The following SYNE1 variants were observed in gnomAD, a reference collection of about 807,000 sequenced individuals.
SYNE1 encodes nesprin-1.
A neutral mutation model predicts 1,111.0 loss-of-function variants in SYNE1; 616 were observed. The ratio of observed to expected loss-of-function variants is 0.55; its 90% CI spans 0.52 to 0.59. The LOEUF (loss-of-function observed/expected upper bound fraction) is 0.59. Ranked by LOEUF, SYNE1 falls within the 20% of genes least tolerant of loss-of-function variation. The pLI is 0.00. For synonymous variants in SYNE1, 3,855 were observed against 3,825.8 expected, an observed-to-expected ratio of 1.01 and a Z score of -0.28; for missense variants, 10,006 against 10,417.0, an observed-to-expected ratio of 0.96 and a Z score of 1.72.
intron 3 of SYNE1, among the ~76,000 whole-genome samples, chr6:152,606,972 G>C (rs1236967732): frequency 1.5e-5 from 2 of 132,548 alleles, no homozygotes; most frequent in Non-Finnish European, 3.1e-5. Context: ...GGCATGCCTC[G>C]GTTCTCTTTT....
intron 95 of SYNE1, among the ~76,000 whole-genome samples, chr6:152,286,695 A>G (rs527624180): frequency 6.6e-6 from 1 of 152,324 alleles, no homozygotes; most frequent in African/African-American, 2.4e-5. Flanking sequence ...TATTCTGGAT[A>G]GGAGTGCCTG....
At chr6:152,178,347 C>T (rs892681476) in intron 129 of SYNE1, among the ~76,000 whole-genome samples, 4 of 152,188 alleles carry the variant, frequency 2.6e-5, no homozygotes, top group African/African-American at 9.7e-5. Flanking sequence ...ACAGCATTCT[C>T]TGACACCCAG....
intron 9 of SYNE1, among the ~76,000 whole-genome samples, chr6:152,503,430 A>G (rs1379427717): frequency 6.6e-6 from 1 of 152,222 alleles, no homozygotes; most frequent in African/African-American, 2.4e-5. Flanking sequence ...ATCTAATACA[A>G]ATGGTAAAAA....
At chr6:152,172,069 A>T (rs568957454) in intron 130 of SYNE1, among the ~76,000 whole-genome samples, 1 of 152,316 alleles carries the variant, frequency 6.6e-6, no homozygotes, top group South Asian at 2.1e-4. Context: ...AACCAGTCAC[A>T]AAAGGCCACA....
chr6:152,309,646 T>C (rs577947570), intron 90 of SYNE1, among the ~76,000 whole-genome samples, 189 bp downstream of exon 90: 1 of 152,342 alleles, frequency 6.6e-6, no homozygotes, highest in Admixed American at 6.5e-5. Flanking sequence ...ATTTTTTATA[T>C]AGCATTCCCC....
chr6:152,557,408 T>C (rs2099370432), intron 3 of SYNE1, among the ~76,000 whole-genome samples: 1 of 152,020 alleles, frequency 6.6e-6, no homozygotes, highest in Non-Finnish European at 1.5e-5. Flanking sequence ...TTAAAAAAAA[T>C]AATGTTAGAA....
intron 1 of SYNE1, 75 bp from the exon 2 acceptor site, chr6:152,636,880 G>A (rs914032234): frequency 1.2e-4 from 19 of 152,416 alleles, no homozygotes; most frequent in African/African-American, 4.6e-4. Flanking sequence ...CACCCTGGCT[G>A]GCTCGCCCAC....
chr6:152,171,103 A>G (rs1563199551), intron 130 of SYNE1, among the ~76,000 whole-genome samples: 2 of 152,200 alleles, frequency 1.3e-5, no homozygotes, highest in South Asian at 4.1e-4. Context: ...GTTTTTCTTT[A>G]TAAATCACCC....
chr6:152,132,003 G>C, intron 144 of SYNE1, 119 bp downstream of exon 144: 1 of 862,636 alleles, frequency 1.2e-6, no homozygotes, highest in Non-Finnish European at 1.9e-6. Flanking sequence ...GCGCTACCCT[G>C]TGTGACAGCC....
rs984919316 is a variant in SYNE1 at position 152,363,443 on chromosome 6, G to A, written c.10146-1120C>T. 4.0e-5 allele frequency among the ~76,000 whole-genome samples: 6 copies of A among 150,826 alleles called. 1 individual carries two copies. Among genetic ancestry groups the A allele is most frequent in the East Asian group, 4.0e-4 (2 of 4,992 alleles). ...CGGGAGGCGGAGCTCGCAGTGAGCC[G>A]AGATCGTGCCACTGCACTGGAGCCT... On this transcript the variant is annotated intron_variant, in intron 63 of 145. Coordinates refer to ENST00000367255, the MANE Select transcript of SYNE1 (RefSeq NM_182961.4).
intron 101 of SYNE1, among the ~76,000 whole-genome samples, chr6:152,260,636 T>C (rs2091843728): frequency 6.6e-6 from 1 of 151,282 alleles, no homozygotes; most frequent in Non-Finnish European, 1.5e-5. Flanking sequence ...TATCCACAGA[T>C]GACAGGACAC....
chr6:152,586,902 A>G (rs1235340047), intron 3 of SYNE1, among the ~76,000 whole-genome samples: 1 of 152,142 alleles, frequency 6.6e-6, no homozygotes, highest in Non-Finnish European at 1.5e-5. Context: ...AGGTCACAGA[A>G]AATAATTGCA....
intron 6 of SYNE1, 91 bp from the exon 7 acceptor site, chr6:152,511,194 TA>T: frequency 8.8e-7 from 1 of 1,133,736 alleles, no homozygotes; most frequent in East Asian, 2.4e-5. Flanking sequence ...TAGACATCAA[TA>T]AGATTTGATC....
intron 5 of SYNE1, among the ~76,000 whole-genome samples, chr6:152,522,793 T>G (rs2099146236): frequency 6.6e-6 from 1 of 152,184 alleles, no homozygotes; most frequent in Non-Finnish European, 1.5e-5. Flanking sequence ...AATTTGCATT[T>G]CCCTGATGAC....
At chr6:152,539,005 T>G (rs1459209119) in intron 4 of SYNE1, among the ~76,000 whole-genome samples, 2 of 152,176 alleles carry the variant, frequency 1.3e-5, no homozygotes, top group Admixed American at 6.5e-5. Context: ...TAAAATCAAC[T>G]GTCATGCTTT....
chr6:152,375,859 G>C (rs550825196), intron 58 of SYNE1, among the ~76,000 whole-genome samples: 1 of 152,192 alleles, frequency 6.6e-6, no homozygotes, highest in Non-Finnish European at 1.5e-5. Flanking sequence ...TTATATAAAT[G>C]AACTGGTTCC....
chr6:152,334,086 G>A lies in SYNE1; in HGVS notation c.12716C>T (p.Thr4239Ile), dbSNP rs2096318270. The A allele has an allele frequency of 6.2e-7, 1 of 1,614,142 alleles. No individual in the cohort carries two copies. The highest frequency in any genetic ancestry group is 8.5e-7 in the Non-Finnish European group (1 of 1,180,022). Residue 4239 changes from threonine to isoleucine, a missense_variant, in exon 77 of 146, where the codon ACA (threonine) becomes ATA (isoleucine). This residue lies in a region of SYNE1 where 4,955 missense variants were observed against 5,017.2 expected (regional missense o/e 0.99). Coordinates refer to ENST00000367255, the MANE Select transcript of SYNE1 (RefSeq NM_182961.4). ...CLQREEDLQRTRDYHDCMNVV... is the reference protein window; with the variant it reads ...CLQREEDLQRIRDYHDCMNVV... ...ATTCATACAGTCATGGTAATCTCTTGTTCTCTGAAGATCCTCTTCCCTTTG... is the reference window on the plus strand; with the variant it reads ...ATTCATACAGTCATGGTAATCTCTTATTCTCTGAAGATCCTCTTCCCTTTG...
chr6:152,387,252 C>T lies in SYNE1; in HGVS notation c.8307G>A (p.Lys2769=). ...ACTGGAGGTGGTCAAGCAGGACGAACTTCTCTTTCAGACCTGGCTGTGGTT... is the reference window on the plus strand; with the variant it reads ...ACTGGAGGTGGTCAAGCAGGACGAATTTCTCTTTCAGACCTGGCTGTGGTT... The part of the protein sequence containing the change: ...PLQPQPGLKE[K]FVLLDHLQSI... The change falls in exon 54 of 146, where the codon AAG becomes AAA. Residue 2769 remains lysine (K), a synonymous_variant. Transcript: ENST00000367255. 1 of 1,614,174 alleles carries T rather than the reference C, an allele frequency of 6.2e-7. No homozygotes were observed. The highest frequency in any genetic ancestry group is 8.5e-7 in the Non-Finnish European group (1 of 1,180,024).
intron 53 of SYNE1, among the ~76,000 whole-genome samples, chr6:152,388,539 T>C (rs2097558380): frequency 6.6e-6 from 1 of 152,212 alleles, no homozygotes; most frequent in African/African-American, 2.4e-5. Context: ...GCTTAAGCAA[T>C]CTGCCTAACT....
Sources: gnomAD v4.1 joint callset for allele counts (sites outside exome capture counted in the v4.1 genomes callset) on GRCh38, gnomAD v4.1.1 for gene constraint, gnomAD v4.1.1 regional missense constraint, MANE v1.5 for transcripts, NCBI Gene and HGNC (gene_info 2026-07-23, HGNC 2026-07-21) for gene names.